RIC1: variants seen among roughly 807,000 people sequenced by gnomAD.
The protein encoded by RIC1 is RIC1 partner of RAB6A GEF complex.
In RIC1, 88 loss-of-function variants were observed where a neutral mutation model predicts 169.0. The observed-to-expected ratio is 0.52, with a 90% CI of 0.44 to 0.62. The LOEUF (loss-of-function observed/expected upper bound fraction) is 0.62. Among genes scored for constraint, RIC1 ranks in the 20% least tolerant of loss-of-function variants. The pLI, the probability that RIC1 is intolerant of heterozygous loss-of-function variation, is 0.00. For missense variants in RIC1, 1,877 were observed against 1,725.5 expected, an observed-to-expected ratio of 1.09 and a Z score of -1.56; for synonymous variants, 790 against 601.5, an observed-to-expected ratio of 1.31 and a Z score of -4.59.
rs748044841 is a variant in RIC1, at chr9:5,765,667, C to A, written c.3006C>A (p.Pro1002=). Residue 1002 remains proline (P), a synonymous_variant, in exon 21 of 26, where the codon CCC becomes CCA. Coordinates refer to ENST00000414202, the MANE Select transcript of RIC1 (RefSeq NM_020829.4). The part of the protein sequence containing the change: ...TPPSTPTAQE[P]SSSGGFEFFR... ...CATATGGTGTGTAATCCTAGGAACCCAGTTCAAGTGGTGGATTTGAGTTCT... is the reference window on the plus strand; with the variant it reads ...CATATGGTGTGTAATCCTAGGAACCAAGTTCAAGTGGTGGATTTGAGTTCT... 1 of 1,614,126 alleles carries A rather than the reference C, an allele frequency of 6.2e-7. No individual in the cohort carries two copies. The highest frequency in any genetic ancestry group is 8.5e-7 in the Non-Finnish European group (1 of 1,179,990).
chr9:5,688,665 A>C (rs186307205), intron 2 of RIC1, among the ~76,000 whole-genome samples: 2 of 152,170 alleles, frequency 1.3e-5, no homozygotes, highest in East Asian at 3.9e-4. Flanking sequence ...AGTAAAGTTA[A>C]TGGTCAAAAA....
At chr9:5,705,399 A>T (rs556129062) in intron 3 of RIC1, among the ~76,000 whole-genome samples, 5 of 151,914 alleles carry the variant, frequency 3.3e-5, no homozygotes, top group African/African-American at 4.8e-5. Context: ...CAAGTATTTT[A>T]TTCCTTTTTG....
intron 12 of RIC1, among the ~76,000 whole-genome samples, chr9:5,747,736 A>G (rs184985612): frequency 1.6e-4 from 24 of 152,316 alleles, no homozygotes; most frequent in Middle Eastern, 3.4e-3. Context: ...AATAATGTCA[A>G]GAACTAGAAG....
chr9:5,714,032 G>GTCTAC, intron 4 of RIC1, 29 bp downstream of exon 4: 4 of 1,429,062 alleles, frequency 2.8e-6, no homozygotes, highest in Non-Finnish European at 3.9e-6. Context: ...ATTTGACATT[G>GTCTAC]TGTGATGACA....
At chr9:5,632,025 A>G (rs1817739338) in intron 1 of RIC1, among the ~76,000 whole-genome samples, 1 of 152,200 alleles carries the variant, frequency 6.6e-6, no homozygotes, top group Non-Finnish European at 1.5e-5. Flanking sequence ...GAGAGGCTGT[A>G]GATACAAGTA....
chr9:5,658,925 G>A (rs1819277179), intron 2 of RIC1, among the ~76,000 whole-genome samples: 1 of 148,424 alleles, frequency 6.7e-6, no homozygotes, highest in Admixed American at 6.8e-5. Context: ...AATAGCTTTT[G>A]CTGTATTAGA....
At chr9:5,658,777 A>G (rs1214023569) in intron 2 of RIC1, among the ~76,000 whole-genome samples, 3 of 151,590 alleles carry the variant, frequency 2.0e-5, no homozygotes, top group Non-Finnish European at 4.4e-5. Flanking sequence ...CCTCCTCCAC[A>G]GCTGTTATGG....
intron 3 of RIC1, among the ~76,000 whole-genome samples, chr9:5,700,696 T>C (rs1049348698): frequency 3.3e-5 from 5 of 152,156 alleles, no homozygotes; most frequent in African/African-American, 1.2e-4. Context: ...CAAAGCATGA[T>C]ATATGCATTG....
At chr9:5,629,583 C>T in intron 1 of RIC1, 130 bp downstream of exon 1, 2 of 1,043,232 alleles carry the variant, frequency 1.9e-6, no homozygotes, top group Non-Finnish European at 1.3e-6. Flanking sequence ...TCGCAGTCCG[C>T]GTCCTCGTTC....
intron 2 of RIC1, among the ~76,000 whole-genome samples, chr9:5,681,246 G>T (rs1820817147): frequency 6.6e-6 from 1 of 151,978 alleles, no homozygotes; most frequent in Admixed American, 6.6e-5. Context: ...TATTTTAATT[G>T]TGATGTTAGG....
intron 3 of RIC1, among the ~76,000 whole-genome samples, chr9:5,701,081 G>A (rs1048326631): frequency 1.3e-5 from 2 of 152,070 alleles, no homozygotes; most frequent in African/African-American, 4.8e-5. Context: ...GACTTAAGTT[G>A]GCTGGGTTCT....
chr9:5,683,065 C>G (rs1409718884), intron 2 of RIC1, among the ~76,000 whole-genome samples: 4 of 152,136 alleles, frequency 2.6e-5, no homozygotes, highest in Non-Finnish European at 1.5e-5. Flanking sequence ...AGCCATTCGT[C>G]TAATTTTTTT....
chr9:5,724,143 CTT>C (rs1402284619), intron 6 of RIC1, among the ~76,000 whole-genome samples: 1 of 152,094 alleles, frequency 6.6e-6, no homozygotes, highest in African/African-American at 2.4e-5. Flanking sequence ...TATAAATGAC[CTT>C]GGGCAGTATG....
At chr9:5,731,663 A>T (rs1438674016) in intron 6 of RIC1, among the ~76,000 whole-genome samples, 1 of 152,172 alleles carries the variant, frequency 6.6e-6, no homozygotes, top group African/African-American at 2.4e-5. Context: ...ATATATGGAG[A>T]TGGCATATGG....
rs1041658199 is a variant in RIC1 at position 5,774,002 on chromosome 9, A to G, written c.4028A>G (p.Gln1343Arg). Residue 1343 changes from glutamine to arginine, a missense_variant, in exon 26 of 26, where the codon CAG becomes CGG. Physicochemically the swap from Gln to Arg is conservative, Grantham distance 43. Around this residue, in one of 3 missense-constraint regions of RIC1, gnomAD observed 681 missense variants for 582.0 expected, o/e 1.17. Transcript: ENST00000414202. ...PFLNIIKPQL[Q>R]KLSEITEEQV... The stretch of plus-strand genomic sequence containing the variant: ...TTAAACATCATTAAGCCACAACTGC[A>G]GAAGCTCAGTGAGATAACAGAAGAG... The G allele has an allele frequency of 1.9e-6, 3 of 1,613,032 alleles. No individual in the cohort carries two copies. The highest frequency in any genetic ancestry group is 2.7e-5 in the African/African-American group (2 of 74,874).
At chr9:5,707,782 G>C (rs1822683419) in intron 3 of RIC1, among the ~76,000 whole-genome samples, 1 of 151,830 alleles carries the variant, frequency 6.6e-6, no homozygotes, top group East Asian at 1.9e-4. Flanking sequence ...TAATTTTCTT[G>C]TAGACAGCTT....
At chr9:5,682,898 C>T (rs1481912759) in intron 2 of RIC1, among the ~76,000 whole-genome samples, 1 of 152,150 alleles carries the variant, frequency 6.6e-6, no homozygotes, top group South Asian at 2.1e-4. Flanking sequence ...TCTCTTCTCG[C>T]TTCATTTCAT....
chr9:5,715,104 T>G (rs1432439394), intron 4 of RIC1, among the ~76,000 whole-genome samples: 1 of 152,252 alleles, frequency 6.6e-6, no homozygotes, highest in Non-Finnish European at 1.5e-5. Flanking sequence ...TGCTTAAATG[T>G]AATCAGTGTT....
At chr9:5,708,305 A>C (rs1258829870) in intron 3 of RIC1, among the ~76,000 whole-genome samples, 1 of 152,136 alleles carries the variant, frequency 6.6e-6, no homozygotes, top group Non-Finnish European at 1.5e-5. Context: ...ATAGGGAAAA[A>C]AAGGCAGATT....
Sources: allele counts gnomAD v4.1 joint callset (sites outside exome capture counted in the v4.1 genomes callset), GRCh38; gene constraint gnomAD v4.1.1; regional missense constraint gnomAD v4.1.1; transcripts MANE v1.5; gene names NCBI Gene and HGNC (gene_info 2026-07-23, HGNC 2026-07-21).